The following TRPM4 variants were observed in gnomAD, a reference collection of about 807,000 sequenced individuals.
TRPM4 encodes calcium-activated non-selective cation channel 1.
A neutral mutation model predicts 135.6 loss-of-function variants in TRPM4; 124 were observed. The ratio of observed to expected loss-of-function variants is 0.91; its 90% CI spans 0.79 to 1.06. The LOEUF is 1.06. Among genes scored for constraint, TRPM4 ranks in the 50% least tolerant of loss-of-function variants. The probability of loss-of-function intolerance (pLI) is 0.00; values close to 1 mark genes in which losing one functional copy is unlikely to be tolerated. For missense variants in TRPM4, 1,658 were observed against 1,671.4 expected, an observed-to-expected ratio of 0.99 and a Z score of 0.14; for synonymous variants, 745 against 705.6, an observed-to-expected ratio of 1.06 and a Z score of -0.88.
intron 16 of TRPM4, among the ~76,000 whole-genome samples, chr19:49,193,081 T>C (rs8108733): frequency 9.4e-6 from 1 of 106,794 alleles, no homozygotes; most frequent in African/African-American, 4.8e-5. Flanking sequence ...AATCAGTTGG[T>C]TTTTTTTTTT....
intron 16 of TRPM4, among the ~76,000 whole-genome samples, chr19:49,192,099 A>G (rs1968434203): frequency 6.6e-6 from 1 of 152,246 alleles, no homozygotes; most frequent in African/African-American, 2.4e-5. Flanking sequence ...AGGTATTTTA[A>G]AAGTCAGGCC....
chr19:49,201,703 T>A (rs577227849), intron 19 of TRPM4, among the ~76,000 whole-genome samples: 34 of 152,308 alleles, frequency 2.2e-4, no homozygotes, highest in African/African-American at 8.2e-4. Context: ...ATCGAAGCGA[T>A]TCTCCTATCT....
At chr19:49,181,584 T>A in intron 10 of TRPM4, 123 bp downstream of exon 10, 1 of 682,662 alleles carries the variant, frequency 1.5e-6, no homozygotes, top group Non-Finnish European at 2.4e-6. Context: ...CAGCCTGGAG[T>A]GCAGAGGTGT....
intron 20 of TRPM4, among the ~76,000 whole-genome samples, chr19:49,208,184 G>A (rs532101358): frequency 3.9e-5 from 6 of 152,288 alleles, no homozygotes; most frequent in African/African-American, 1.2e-4. Flanking sequence ...CAGCTGTACA[G>A]AGTGGAACAT....
intron 2 of TRPM4, among the ~76,000 whole-genome samples, chr19:49,164,363 A>ATTT (rs1967087744): frequency 7.9e-4 from 8 of 10,098 alleles, no homozygotes; most frequent in South Asian, 6.3e-3. Context: ...TTCTTTCCTT[A>ATTT]GTTTTTTTTT....
rs144338540 is a variant in TRPM4 at position 49,205,274 on chromosome 19, A to T, written c.3131+3133A>T. Among the ~76,000 whole-genome samples the T allele has an allele frequency of 1.5e-3, 230 of 152,146 alleles. 1 individual carries two copies. The highest frequency in any genetic ancestry group is 5.5e-3 in the African/African-American group (227 of 41,534). On this transcript the variant is annotated intron_variant, in intron 20 of 24. Transcript: ENST00000252826. ...AGGGATGTCGGGGAGAGTCTGTTCC[A>T]TGCCCCTCCTGTCACGTCTAGTGCT...
intron 9 of TRPM4, among the ~76,000 whole-genome samples, chr19:49,176,025 G>A (rs771713576): frequency 9.9e-5 from 15 of 151,210 alleles, no homozygotes; most frequent in South Asian, 8.4e-4. Flanking sequence ...CCAGGTTTAA[G>A]CGATTCTCCT....
intron 20 of TRPM4, among the ~76,000 whole-genome samples, chr19:49,203,542 A>G (rs1275723591): frequency 2.6e-5 from 4 of 152,110 alleles, no homozygotes; most frequent in Non-Finnish European, 4.4e-5. Context: ...GTACTCTCCA[A>G]CCATCACCAC....
At chr19:49,190,388 C>A in intron 15 of TRPM4, 68 bp downstream of exon 15, 1 of 1,369,438 alleles carries the variant, frequency 7.3e-7, no homozygotes, top group Non-Finnish European at 1.0e-6. Context: ...CCTGCCCCCT[C>A]TGCCCACCTT....
Position 49,188,637 on chromosome 19 carries a change from C to T in TRPM4, c.1744-4C>T. ...ACGCATCCGTGCCCTCTTTGTCTCT[C>T]CAGGGTTCCAATGCAGTTTCCTCAG... On this transcript the variant is annotated splice_region_variant and splice_polypyrimidine_tract_variant and intron_variant, in intron 12 of 24. Transcript: ENST00000252826. 1 of 1,614,202 alleles carries T rather than the reference C, an allele frequency of 6.2e-7. No individual in the cohort carries two copies. The highest frequency in any genetic ancestry group is 1.1e-5 in the South Asian group (1 of 91,082).
Position 49,210,534 on chromosome 19 carries a change from C to T in TRPM4, c.3328+129C>T, listed in dbSNP as rs1283438108. ...GTAGCGAGGGGCGGGGTTTAAGCAA[C>T]AAGGGGCGGAGCTTAAGCACTGAGG... On this transcript the variant is annotated intron_variant, in intron 21 of 24. Coordinates refer to ENST00000252826, the MANE Select transcript of TRPM4 (RefSeq NM_017636.4). This position sits in a 1 kb window ranked among gnomAD's most constrained non-coding sequence, Gnocchi z 4.1. 2.8e-6 allele frequency: 4 copies of T among 1,423,226 alleles called. No homozygotes were observed. The highest frequency in any genetic ancestry group is 1.9e-5 in the Admixed American group (1 of 51,976). 88.2% of individuals were successfully genotyped at this position (1,423,226 alleles called of 1,614,324 possible). A position where few individuals can be genotyped will look rare whatever the true frequency, so the allele number is the denominator to read the frequency against.
In TRPM4 at chr19:49,184,452, C is replaced by CTTTTTTTTT. The variant is rs67748057; in HGVS notation, c.1743+1258_1743+1266dup. The stretch of plus-strand genomic sequence containing the variant: ...TTTGGTTCATTTCTGTCTCTGTAGT[C>CTTTTTTTTT]TTTTTTTTTTTTTTTTTTTTTTTTT... On this transcript the variant is annotated intron_variant, in intron 12 of 24. Transcript: ENST00000252826. Among the ~76,000 whole-genome samples, 7 of 45,506 alleles carry CTTTTTTTTT rather than the reference C, an allele frequency of 1.5e-4. 1 individual carries two copies. Among genetic ancestry groups the CTTTTTTTTT allele is most frequent in the African/African-American group, 6.3e-4 (6 of 9,518 alleles). The allele number at this position is 45,506 out of a possible 152,430, so 29.9% of individuals were successfully genotyped here.
chr19:49,170,221 G>A lies in TRPM4; in HGVS notation c.797-1136G>A, dbSNP rs144371069. Among the ~76,000 whole-genome samples, 517 of 152,222 alleles carry A rather than the reference G, an allele frequency of 3.4e-3. 4 individuals carry two copies. Among genetic ancestry groups the A allele is most frequent in the African/African-American group, 0.011 (476 of 41,534 alleles). ...ATTTATTTTTTTGAGAGGGAGTCCT[G>A]CTCTGTGCACAGGCTGGAGTGCAGT... On this transcript the variant is annotated intron_variant, in intron 6 of 24. Transcript: ENST00000252826.
Position 49,183,075 on chromosome 19 carries a change from C to T in TRPM4, c.1609-3C>T. The T allele has an allele frequency of 6.2e-7, 1 of 1,611,774 alleles. No homozygotes were observed. The highest frequency in any genetic ancestry group is 8.5e-7 in the Non-Finnish European group (1 of 1,180,010). ...TCCTCACCACCCCTCCTTTTGCTGG[C>T]AGATGTATCTGCTCTCGGACAAGGC... On this transcript the variant is annotated splice_region_variant and splice_polypyrimidine_tract_variant and intron_variant, in intron 11 of 24. Coordinates refer to ENST00000252826, the MANE Select transcript of TRPM4 (RefSeq NM_017636.4).
rs757354396 is a variant in TRPM4, at chr19:49,196,762, C to G, written c.2533C>G (p.Pro845Ala). Reference protein sequence around the residue: ...GGGGSLASGGPGPGHASLSQR... With the variant: ...GGGGSLASGGAGPGHASLSQR... Reference sequence around the variant, plus strand: ...CGGGGGCAGCCTCGCCAGCGGGGGCCCCGGGCCTGGCCATGCCTCACTGAG... The same window carrying G: ...CGGGGGCAGCCTCGCCAGCGGGGGCGCCGGGCCTGGCCATGCCTCACTGAG... The change falls in exon 17 of 25, where the codon CCC becomes GCC. Residue 845 changes from proline (P) to alanine (A), a missense_variant. Physicochemically the swap from Pro to Ala is conservative, Grantham distance 27. Coordinates refer to ENST00000252826, the MANE Select transcript of TRPM4 (RefSeq NM_017636.4). The G allele has an allele frequency of 1.6e-5, 25 of 1,552,664 alleles. No individual in the cohort carries two copies. The highest frequency in any genetic ancestry group is 2.2e-5 in the Non-Finnish European group (25 of 1,156,154).
chr19:49,205,687 C>T (rs1337656226), intron 20 of TRPM4, among the ~76,000 whole-genome samples: 1 of 151,616 alleles, frequency 6.6e-6, no homozygotes, highest in Non-Finnish European at 1.5e-5. Flanking sequence ...AGGTGCCTGC[C>T]ACTATACACA....
Position 49,210,781 on chromosome 19 carries a change from C to T in TRPM4, c.3400C>T (p.Leu1134=), listed in dbSNP as rs751148207. The part of the protein sequence containing the change: ...WESVHKENFL[L]ARARDKRESD... ...ATCGGTGCATAAGGAGAACTTTCTG[C>T]TGGCACGCGCTAGGGACAAGCGGGA... is the stretch of plus-strand genomic sequence containing the variant. Residue 1134 remains leucine (L), a synonymous_variant, in exon 22 of 25, where the codon CTG becomes TTG. Transcript: ENST00000252826. The surrounding 1 kb of genome is among the most constrained non-coding windows in gnomAD (Gnocchi z 4.1). 2 of 1,614,020 alleles carry T rather than the reference C, an allele frequency of 1.2e-6. No homozygotes were observed. Among genetic ancestry groups the T allele is most frequent in the East Asian group, 4.5e-5 (2 of 44,880 alleles).
intron 2 of TRPM4, among the ~76,000 whole-genome samples, chr19:49,161,529 C>G (rs919440995): frequency 2.6e-5 from 4 of 151,430 alleles, no homozygotes; most frequent in Non-Finnish European, 5.9e-5. Context: ...CCCTTTGATA[C>G]CAGACCAGGC....
At position 49,157,826 on chromosome 19, in the gene TRPM4, C is replaced by T. The variant is rs1404264989; in HGVS notation, c.-41C>T. ...GAAGCAGAGCCGGCGGAGGGAGCGC[C>T]GGGGCCCTGGGCTGCAGGAGGTTGC... On this transcript the variant is annotated 5_prime_UTR_variant, in exon 1 of 25. Transcript: ENST00000252826. 2.0e-6 allele frequency: 3 copies of T among 1,533,560 alleles called. No individual in the cohort carries two copies. Among genetic ancestry groups the T allele is most frequent in the South Asian group, 1.2e-5 (1 of 83,890 alleles). 95.0% of individuals were successfully genotyped at this position (1,533,560 alleles called of 1,614,324 possible). A position where few individuals can be genotyped will look rare whatever the true frequency, so the allele number is the denominator to read the frequency against.
Sources: gnomAD v4.1 joint callset for allele counts (sites outside exome capture counted in the v4.1 genomes callset) on GRCh38, gnomAD v4.1.1 for gene constraint, Gnocchi (gnomAD v3.1) non-coding constraint, MANE v1.5 for transcripts, NCBI Gene and HGNC (gene_info 2026-07-23, HGNC 2026-07-21) for gene names.